Variants in PPP1R3A observed in about 807,000 individuals in gnomAD.
The protein encoded by PPP1R3A is RG1.
A neutral mutation model predicts 41.7 loss-of-function variants in PPP1R3A; 29 were observed. The observed-to-expected ratio is 0.70, with a 90% CI of 0.52 to 0.95. The LOEUF is 0.95. Among genes scored for constraint, PPP1R3A ranks in the 40% least tolerant of loss-of-function variants. The pLI is 0.00. For synonymous variants in PPP1R3A, 485 were observed against 453.4 expected, an observed-to-expected ratio of 1.07 and a Z score of -0.89; for missense variants, 1,352 against 1,292.4, an observed-to-expected ratio of 1.05 and a Z score of -0.71.
At chr7:113,908,492 A>G (rs1351729350) in intron 1 of PPP1R3A, among the ~76,000 whole-genome samples, 1 of 151,958 alleles carries the variant, frequency 6.6e-6, no homozygotes, top group African/African-American at 2.4e-5. Context: ...TCATTGATAG[A>G]ACAAATAGCT....
chr7:113,899,462 A>C (rs79096882), intron 1 of PPP1R3A, among the ~76,000 whole-genome samples: 1 of 151,936 alleles, frequency 6.6e-6, no homozygotes, highest in East Asian at 1.9e-4. Flanking sequence ...TGAATGTCCC[A>C]CATCCTTAAT....
At chr7:113,896,691 A>T (rs1327714216) in intron 1 of PPP1R3A, among the ~76,000 whole-genome samples, 1 of 151,876 alleles carries the variant, frequency 6.6e-6, no homozygotes, top group Non-Finnish European at 1.5e-5. Flanking sequence ...AAAGAATGCA[A>T]TTAAATCAAG....
intron 3 of PPP1R3A, among the ~76,000 whole-genome samples, chr7:113,881,212 A>G (rs1796688060): frequency 6.6e-6 from 1 of 152,110 alleles, no homozygotes; most frequent in African/African-American, 2.4e-5. Context: ...CACTATAGAA[A>G]AGGTGGAATA....
chr7:113,910,918 C>T (rs1329205007), intron 1 of PPP1R3A, among the ~76,000 whole-genome samples: 3 of 152,100 alleles, frequency 2.0e-5, no homozygotes, highest in South Asian at 2.1e-4. Context: ...GGGGAGGGTA[C>T]TTGAATCCTT....
chr7:113,879,141 G>T lies in PPP1R3A; in HGVS notation c.1951C>A (p.Gln651Lys). The T allele has an allele frequency of 6.2e-7, 1 of 1,613,634 alleles. No individual in the cohort carries two copies. Among genetic ancestry groups the T allele is most frequent in the Non-Finnish European group, 8.5e-7 (1 of 1,179,798 alleles). ...AGAACATTCCAACTTTGTTTATGCT[G>T]TGGGCTATTATCCTGATCTTCAGAA... ...INSEDQDNSP[Q>K]HKQSWNVLES... The change falls in exon 4 of 4, where the codon CAG becomes AAG. Residue 651 changes from glutamine to lysine, a missense_variant. Transcript: ENST00000284601.
At chr7:113,884,113 A>C (rs1194824966) in intron 1 of PPP1R3A, among the ~76,000 whole-genome samples, 6 of 152,022 alleles carry the variant, frequency 3.9e-5, no homozygotes, top group Admixed American at 3.9e-4. Flanking sequence ...GCAAAGTAAT[A>C]AAATTATATC....
chr7:113,914,337 GCA>G (rs1797304265), intron 1 of PPP1R3A, among the ~76,000 whole-genome samples: 1 of 152,110 alleles, frequency 6.6e-6, no homozygotes, highest in South Asian at 2.1e-4. Flanking sequence ...AAATTAATAT[GCA>G]TGTCTGTTCA....
intron 1 of PPP1R3A, among the ~76,000 whole-genome samples, chr7:113,914,818 C>T (rs1797312916): frequency 6.6e-6 from 1 of 152,056 alleles, no homozygotes; most frequent in African/African-American, 2.4e-5. Flanking sequence ...TGCCCAAGTT[C>T]ATATTGCTAG....
chr7:113,886,630 G>A lies in PPP1R3A; in HGVS notation c.783-4310C>T, dbSNP rs150061378. ...GTAGAATTCAGTCACTGTTTTGGGT[G>A]GTTGTTTTGCAGGTGCTTATTAATA... is the stretch of plus-strand genomic sequence containing the variant. On this transcript the variant is annotated intron_variant, in intron 1 of 3. Coordinates refer to ENST00000284601, the MANE Select transcript of PPP1R3A (RefSeq NM_002711.4). 4.5e-3 allele frequency among the ~76,000 whole-genome samples: 686 copies of A among 152,230 alleles called. 4 individuals are homozygous for A. Among genetic ancestry groups the A allele is most frequent in the African/African-American group, 0.015 (620 of 41,538 alleles).
In PPP1R3A at chr7:113,879,596, T is replaced by A; in HGVS notation, c.1496A>T (p.Glu499Val). ...CTTAGAAGATCCTTCTTCTGTTGATTCTTTGAGACATGCCGACGTATCTGA... is the reference window on the plus strand; with the variant it reads ...CTTAGAAGATCCTTCTTCTGTTGATACTTTGAGACATGCCGACGTATCTGA... Reference protein sequence around the residue: ...FHSDTSACLKESTEEGSSKED... With the variant: ...FHSDTSACLKVSTEEGSSKED... Residue 499 changes from glutamate to valine, a missense_variant, in exon 4 of 4, where the codon GAA (glutamate) becomes GTA (valine). Transcript: ENST00000284601. 6.2e-7 allele frequency: 1 copy of A among 1,613,328 alleles called. No individual in the cohort carries two copies.
At chr7:113,918,014 A>AT (rs1411371777) in intron 1 of PPP1R3A, among the ~76,000 whole-genome samples, 1 of 152,024 alleles carries the variant, frequency 6.6e-6, no homozygotes, top group Non-Finnish European at 1.5e-5. Context: ...TTACAGCCAT[A>AT]TTTTTTCTCA....
Position 113,909,200 on chromosome 7 carries a change from A to C in PPP1R3A, c.782+9015T>G, listed in dbSNP as rs149911843. 4.3e-3 allele frequency among the ~76,000 whole-genome samples: 659 copies of C among 152,176 alleles called. 3 individuals are homozygous for C. Among genetic ancestry groups the C allele is most frequent in the African/African-American group, 0.014 (595 of 41,558 alleles). ...GTTATGTTCAGCATTTTATTTATACAGTTACATTCTGGAAAGAAATGTTAT... is the reference window on the plus strand; with the variant it reads ...GTTATGTTCAGCATTTTATTTATACCGTTACATTCTGGAAAGAAATGTTAT... On this transcript the variant is annotated intron_variant, in intron 1 of 3. Coordinates refer to ENST00000284601, the MANE Select transcript of PPP1R3A (RefSeq NM_002711.4).
chr7:113,890,795 A>G (rs1228243998), intron 1 of PPP1R3A, among the ~76,000 whole-genome samples: 3 of 152,032 alleles, frequency 2.0e-5, no homozygotes, highest in African/African-American at 7.2e-5. Flanking sequence ...TCAGCTATTA[A>G]TCATTCAAAA....
At chr7:113,896,797 T>A (rs565748190) in intron 1 of PPP1R3A, among the ~76,000 whole-genome samples, 35 of 151,928 alleles carry the variant, frequency 2.3e-4, no homozygotes, top group African/African-American at 8.0e-4. Context: ...AAGCATCAAC[T>A]ATTATTATTA....
intron 1 of PPP1R3A, among the ~76,000 whole-genome samples, chr7:113,889,713 G>A (rs1796845745): frequency 6.6e-6 from 1 of 152,072 alleles, no homozygotes; most frequent in Admixed American, 6.6e-5. Context: ...ATGTTTTCCA[G>A]GCAATAGTTA....
chr7:113,918,533 T>G lies in PPP1R3A; in HGVS notation c.464A>C (p.Lys155Thr). The G allele has an allele frequency of 6.2e-7, 1 of 1,612,916 alleles. No homozygotes were observed. Among genetic ancestry groups the G allele is most frequent in the Non-Finnish European group, 8.5e-7 (1 of 1,179,406 alleles). The stretch of plus-strand genomic sequence containing the variant: ...TAAAGACATTCTTACATATACTAAC[T>G]TCTCAAAAGAAACATTCAAAACTCG... ...IIRVLNVSFE[K>T]LVYVRMSLDD... Residue 155 changes from lysine (K) to threonine (T), a missense_variant, in exon 1 of 4, where the codon AAG (lysine) becomes ACG (threonine). Physicochemically the swap from Lys to Thr is moderately conservative, Grantham distance 78 (BLOSUM62 -1). Coordinates refer to ENST00000284601, the MANE Select transcript of PPP1R3A (RefSeq NM_002711.4).
At position 113,918,795 on chromosome 7, in the gene PPP1R3A, C is replaced by A. The variant is rs1357740975; in HGVS notation, c.202G>T (p.Asp68Tyr). 1 of 1,613,814 alleles carries A rather than the reference C, an allele frequency of 6.2e-7. No individual in the cohort carries two copies. The highest frequency in any genetic ancestry group is 8.5e-7 in the Non-Finnish European group (1 of 1,179,816). ...GACACAAGATTGAATCCAAAGGAAT[C>A]AGCAAATGAAACTCTTCTAGTACCT... is the stretch of plus-strand genomic sequence containing the variant. ...SSGTRRVSFADSFGFNLVSVK... is the reference protein window; with the variant it reads ...SSGTRRVSFAYSFGFNLVSVK... Residue 68 changes from aspartate to tyrosine, a missense_variant, in exon 1 of 4, where the codon GAT (aspartate) becomes TAT (tyrosine). By Grantham distance (160) the Asp-to-Tyr change is radical (BLOSUM62 -3). Transcript: ENST00000284601.
rs538868155 is a variant in PPP1R3A, at chr7:113,878,142, T to G, written c.2950A>C (p.Thr984Pro). The G allele has an allele frequency of 6.2e-7, 1 of 1,613,392 alleles. No individual in the cohort carries two copies. Among genetic ancestry groups the G allele is most frequent in the East Asian group, 2.2e-5 (1 of 44,828 alleles). ...EEVSRSSGIV[T>P]SGSRKERCIG... is the part of the protein sequence containing the mutation. ...CATCTTTCTTTTCTACTACCTGATGTCACTATTCCTGAACTTCTGGAAACT... is the reference window on the plus strand; with the variant it reads ...CATCTTTCTTTTCTACTACCTGATGGCACTATTCCTGAACTTCTGGAAACT... Residue 984 changes from threonine (T) to proline (P), a missense_variant, in exon 4 of 4, where the codon ACA becomes CCA. Transcript: ENST00000284601.
At chr7:113,893,069 G>A (rs1796919919) in intron 1 of PPP1R3A, among the ~76,000 whole-genome samples, 1 of 151,806 alleles carries the variant, frequency 6.6e-6, no homozygotes, top group Admixed American at 6.6e-5. Flanking sequence ...CCTTGCTGCG[G>A]TCATATTGAG....
Sources: gnomAD v4.1 joint callset for allele counts (sites outside exome capture counted in the v4.1 genomes callset) on GRCh38, gnomAD v4.1.1 for gene constraint, MANE v1.5 for transcripts, NCBI Gene and HGNC (gene_info 2026-07-23, HGNC 2026-07-21) for gene names.